Variants in ANXA11 observed in about 807,000 individuals in gnomAD.
ANXA11 encodes the protein 56 kDa autoantigen.
A neutral mutation model predicts 64.7 loss-of-function variants in ANXA11; 57 were observed. The ratio of observed to expected loss-of-function variants is 0.88; its 90% confidence interval spans 0.71 to 1.10. ANXA11 has a LOEUF of 1.10. Among genes scored for constraint, ANXA11 ranks in the 50% least tolerant of loss-of-function variants. ANXA11 has a pLI of 0.00. For synonymous variants in ANXA11, 260 were observed against 265.2 expected (o/e 0.98, Z 0.19); for missense variants, 675 against 670.7 (o/e 1.01, Z -0.07).
rs1416042505 is a variant in ANXA11 at position 80,187,903 on chromosome 10, C to G, written c.-57-11748G>C. On this transcript the variant is annotated intron_variant, in intron 1 of 15. Coordinates refer to ENST00000422982, the MANE Select transcript of ANXA11 (RefSeq NM_145868.2). Reference sequence around the variant, plus strand: ...GCTTCTCCCAGATCTCCTGGGCCCACAGGGATGTGCCACACCCCAAGTCCT... The same window carrying G: ...GCTTCTCCCAGATCTCCTGGGCCCAGAGGGATGTGCCACACCCCAAGTCCT... Among the ~76,000 whole-genome samples, 6 of 152,296 alleles carry G rather than the reference C, an allele frequency of 3.9e-5. No homozygotes were observed. In the East Asian group the frequency reaches 1.2e-3, roughly 29 times the overall value.
Position 80,155,796 on chromosome 10 carries a change from C to G in ANXA11, c.*57G>C, listed in dbSNP as rs1160402206. 6.5e-7 allele frequency: 1 copy of G among 1,526,990 alleles called. No homozygotes were observed. Among genetic ancestry groups the G allele is most frequent in the Non-Finnish European group, 9.1e-7 (1 of 1,101,138 alleles). The allele number at this position is 1,526,990 out of a possible 1,614,324, so 94.6% of individuals were successfully genotyped here. ...TGTTAGAAACAGACATTCTTTTGGC[C>G]TTTTCCTGGCACTGGTGTTGCCGGC... is the stretch of plus-strand genomic sequence containing the variant. On this transcript the variant is annotated 3_prime_UTR_variant, in exon 16 of 16. Transcript: ENST00000422982.
intron 3 of ANXA11, chr10:80,171,976 T>C: frequency 1.1e-6 from 1 of 947,926 alleles, no homozygotes; most frequent in Non-Finnish European, 1.3e-6. Context: ...AGTCTGTTCT[T>C]CACCTGCTGA....
intron 15 of ANXA11, 133 bp downstream of exon 15, chr10:80,157,508 C>G (rs1397976584): frequency 1.3e-6 from 2 of 1,484,112 alleles, no homozygotes; most frequent in Non-Finnish European, 1.8e-6. Flanking sequence ...AGGGGATGAA[C>G]AAGTCCGAGG....
In ANXA11 at chr10:80,163,420, G is replaced by A. The variant is rs377735047; in HGVS notation, c.1030-15C>T. The A allele has an allele frequency of 9.9e-6, 16 of 1,613,974 alleles. No homozygotes were observed. The African/African-American group carries it at 1.7e-4, about 18-fold the overall frequency. On this transcript the variant is annotated splice_polypyrimidine_tract_variant and intron_variant, in intron 10 of 15. Coordinates refer to ENST00000422982, the MANE Select transcript of ANXA11 (RefSeq NM_145868.2). ...TCACGGTTTCCCTGAAAGGAAGCAG[G>A]TGTATGGTCATGCCCACTCCTTCCC...
intron 3 of ANXA11, 112 bp downstream of exon 3, chr10:80,172,695 G>A (rs1173055956): frequency 1.8e-6 from 2 of 1,083,608 alleles, no homozygotes; most frequent in East Asian, 2.4e-5. Flanking sequence ...CCCCTGCTGG[G>A]CCGTGCTGTG....
intron 12 of ANXA11, 24 bp from the exon 13 acceptor site, chr10:80,159,219 A>G (rs1283871868): frequency 6.3e-7 from 1 of 1,590,986 alleles, no homozygotes; most frequent in Non-Finnish European, 8.6e-7. Context: ...AGAGGCTTAT[A>G]TTATGAACTG....
At position 80,164,112 on chromosome 10, in the gene ANXA11, T is replaced by A. The variant is rs1299758717; in HGVS notation, c.890A>T (p.Glu297Val). 2 of 1,613,936 alleles carry A rather than the reference T, an allele frequency of 1.2e-6. No individual in the cohort carries two copies. The highest frequency in any genetic ancestry group is 4.5e-5 in the East Asian group (2 of 44,886). Residue 297 changes from glutamate to valine, a missense_variant, in exon 9 of 16, where the codon GAG (glutamate) becomes GTG (valine). Glu to Val is a moderately radical substitution (Grantham distance 121). Coordinates refer to ENST00000422982, the MANE Select transcript of ANXA11 (RefSeq NM_145868.2). ...CTCATTGCTGCGGGAAGCGAGGATCTCAATCAGGCAGGCTTCATCAGTGCC... is the reference window on the plus strand; with the variant it reads ...CTCATTGCTGCGGGAAGCGAGGATCACAATCAGGCAGGCTTCATCAGTGCC... ...GVGTDEACLI[E>V]ILASRSNEHI... is the part of the protein sequence containing the mutation.
intron 15 of ANXA11, chr10:80,156,444 C>T (rs763177502): frequency 8.5e-6 from 4 of 471,958 alleles, no homozygotes; most frequent in South Asian, 6.2e-5. Flanking sequence ...AACTTGAGGG[C>T]AAGGCATGTG....
At chr10:80,193,788 G>T (rs1383147823) in intron 1 of ANXA11, among the ~76,000 whole-genome samples, 1 of 145,192 alleles carries the variant, frequency 6.9e-6, no homozygotes, top group Non-Finnish European at 1.5e-5. Flanking sequence ...CTCCAGCTTG[G>T]GCAACAGAGG....
intron 7 of ANXA11, chr10:80,166,626 T>C: frequency 3.8e-6 from 2 of 526,256 alleles, no homozygotes; most frequent in Non-Finnish European, 6.8e-6. Context: ...GAAAATGATG[T>C]GGCCACAACC....
At chr10:80,184,409 G>A (rs1264259084) in intron 1 of ANXA11, among the ~76,000 whole-genome samples, 3 of 152,072 alleles carry the variant, frequency 2.0e-5, no homozygotes, top group Non-Finnish European at 1.5e-5. Context: ...AATAAAAACC[G>A]TAGCCTCATT....
At chr10:80,203,258 C>T (rs1445305268) in intron 1 of ANXA11, among the ~76,000 whole-genome samples, 1 of 152,120 alleles carries the variant, frequency 6.6e-6, no homozygotes, top group East Asian at 1.9e-4. Flanking sequence ...AACTCCCACT[C>T]CTGTCATCCC....
chr10:80,195,159 AAGCCC>A (rs765343609), intron 1 of ANXA11, among the ~76,000 whole-genome samples: 11 of 152,330 alleles, frequency 7.2e-5, no homozygotes, highest in South Asian at 6.2e-4. Flanking sequence ...ACCACTCTGG[AAGCCC>A]AGCCCCTTCA....
At chr10:80,157,554 C>T (rs1845321718) in intron 15 of ANXA11, 87 bp downstream of exon 15, 1 of 1,553,252 alleles carries the variant, frequency 6.4e-7, no homozygotes, top group Non-Finnish European at 8.7e-7. Context: ...GCACAGAGGC[C>T]AAGCATATGG....
chr10:80,199,042 CTGATTA>C (rs1170487567), intron 1 of ANXA11, among the ~76,000 whole-genome samples: 10 of 151,464 alleles, frequency 6.6e-5, no homozygotes, highest in Non-Finnish European at 1.2e-4. Context: ...CAACCACGTT[CTGATTA>C]TAAGAGAAAC....
chr10:80,166,649 G>A, intron 7 of ANXA11: 1 of 555,676 alleles, frequency 1.8e-6, no homozygotes. Flanking sequence ...AGTGAGATGT[G>A]GCAGAGCAAG....
chr10:80,162,018 G>T lies in ANXA11; in HGVS notation c.1097C>A (p.Ala366Glu). The part of the protein sequence containing the change: ...LAQRDAQELY[A>E]AGENRLGTDE... ...TGTTCCCAGGCGGTTCTCCCCGGCC[G>T]CATACAGCTCCTGGAGAGAGAGGAA... The change falls in exon 12 of 16, where the codon GCG becomes GAG. Residue 366 changes from alanine (A) to glutamate (E), a missense_variant. Transcript: ENST00000422982. 1 of 1,610,636 alleles carries T rather than the reference G, an allele frequency of 6.2e-7. No individual in the cohort carries two copies. Among genetic ancestry groups the T allele is most frequent in the Non-Finnish European group, 8.5e-7 (1 of 1,179,490 alleles).
At chr10:80,190,859 G>C (rs1846745181) in intron 1 of ANXA11, among the ~76,000 whole-genome samples, 1 of 151,412 alleles carries the variant, frequency 6.6e-6, no homozygotes, top group Non-Finnish European at 1.5e-5. Context: ...GGAAGGCCAA[G>C]GTGGGCGGAC....
At position 80,161,875 on chromosome 10, in the gene ANXA11, C is replaced by T. The variant is rs1305665329; in HGVS notation, c.1180+60G>A. 11 of 1,435,000 alleles carry T rather than the reference C, an allele frequency of 7.7e-6. No individual in the cohort carries two copies. The East Asian group carries it at 1.6e-4, about 21-fold the overall frequency. 88.9% of individuals were successfully genotyped at this position (1,435,000 alleles called of 1,614,324 possible). ...CCAAGTGTTCCCATAGCTTTGTTTC[C>T]CCACAATCCCCTGACTGCCCTCATC... On this transcript the variant is annotated intron_variant, in intron 12 of 15. Transcript: ENST00000422982.
Sources: allele counts gnomAD v4.1 joint callset (sites outside exome capture counted in the v4.1 genomes callset), GRCh38; gene constraint gnomAD v4.1.1; transcripts MANE v1.5; gene names NCBI Gene and HGNC (gene_info 2026-07-23, HGNC 2026-07-21).